The following WWOX variants were observed in gnomAD, a reference collection of about 807,000 sequenced individuals.
WWOX encodes WW domain-containing oxidoreductase.
Under a neutral mutation model 46.2 loss-of-function variants are expected in WWOX, and 69 were observed. That is an observed-to-expected ratio of 1.49 (90% CI 1.23 to 1.82). The LOEUF (loss-of-function observed/expected upper bound fraction) is 1.82. Among genes scored for constraint, WWOX ranks in the 40% most tolerant of loss-of-function variants. The probability of loss-of-function intolerance (pLI) is 0.00; values close to 1 mark genes in which losing one functional copy is unlikely to be tolerated. For missense variants in WWOX, 919 were observed against 542.6 expected (o/e 1.69, Z -6.89); for synonymous variants, 359 against 202.6 (o/e 1.77, Z -6.56).
chr16:78,357,093 A>C (rs1301331691), intron 5 of WWOX, among the ~76,000 whole-genome samples: 1 of 152,196 alleles, frequency 6.6e-6, no homozygotes, highest in African/African-American at 2.4e-5. Flanking sequence ...GCCAGGAGAC[A>C]CCAGGCATAG....
At chr16:78,738,608 C>T (rs116785221) in intron 8 of WWOX, among the ~76,000 whole-genome samples, 1 of 152,188 alleles carries the variant, frequency 6.6e-6, no homozygotes, top group African/African-American at 2.4e-5. Flanking sequence ...AGTCCCTGAA[C>T]AGCCATTTAT....
chr16:78,212,308 C>G (rs533592533), intron 5 of WWOX, among the ~76,000 whole-genome samples: 3 of 152,292 alleles, frequency 2.0e-5, no homozygotes, highest in Non-Finnish European at 4.4e-5. Flanking sequence ...TAGATGTAAC[C>G]TCAGAGGAAA....
intron 8 of WWOX, among the ~76,000 whole-genome samples, chr16:79,170,764 C>T (rs1276080446): frequency 6.6e-6 from 1 of 151,810 alleles, no homozygotes; most frequent in Non-Finnish European, 1.5e-5. Context: ...TTAGAAGTTA[C>T]ATTTACAAGG....
intron 8 of WWOX, among the ~76,000 whole-genome samples, chr16:78,509,331 T>G (rs1001148790): frequency 3.9e-5 from 6 of 151,972 alleles, no homozygotes; most frequent in African/African-American, 1.5e-4. Context: ...TCCTAGCTAC[T>G]TAGGTAGCTG....
intron 8 of WWOX, among the ~76,000 whole-genome samples, chr16:78,929,709 A>G (rs1196665892): frequency 6.6e-6 from 1 of 152,262 alleles, no homozygotes; most frequent in South Asian, 2.1e-4. Context: ...TTTCAGGAAG[A>G]GCGTTTAGGA....
intron 8 of WWOX, among the ~76,000 whole-genome samples, chr16:79,102,951 C>T (rs560763010): frequency 1.3e-5 from 2 of 152,236 alleles, no homozygotes; most frequent in East Asian, 3.9e-4. Context: ...TCTTCCTTCT[C>T]TTCCTTTTCT....
At chr16:78,726,597 A>T (rs2048842493) in intron 8 of WWOX, among the ~76,000 whole-genome samples, 1 of 152,170 alleles carries the variant, frequency 6.6e-6, no homozygotes, top group South Asian at 2.1e-4. Flanking sequence ...AAATTAATGG[A>T]GGAAGGGAGT....
chr16:78,606,012 T>C (rs2045748133), intron 8 of WWOX, among the ~76,000 whole-genome samples: 1 of 152,198 alleles, frequency 6.6e-6, no homozygotes, highest in Non-Finnish European at 1.5e-5. Flanking sequence ...CGAATGCCTA[T>C]TGTCAAAATA....
At chr16:78,162,818 T>C (rs1393707327) in intron 4 of WWOX, among the ~76,000 whole-genome samples, 1 of 152,206 alleles carries the variant, frequency 6.6e-6, no homozygotes, top group Non-Finnish European at 1.5e-5. Context: ...TGCTTCACTT[T>C]GGATTTTTTT....
chr16:78,451,763 G>C (rs1314982389), intron 8 of WWOX, among the ~76,000 whole-genome samples: 1 of 152,092 alleles, frequency 6.6e-6, no homozygotes, highest in East Asian at 1.9e-4. Flanking sequence ...GTTTCTGAGG[G>C]TATACAGACA....
intron 8 of WWOX, among the ~76,000 whole-genome samples, chr16:78,755,363 A>C (rs2049616756): frequency 6.6e-6 from 1 of 152,178 alleles, no homozygotes; most frequent in African/African-American, 2.4e-5. Context: ...TGGGTAGCCC[A>C]GGACTCCTGG....
intron 8 of WWOX, among the ~76,000 whole-genome samples, chr16:78,512,090 A>G (rs891929475): frequency 3.3e-5 from 5 of 152,258 alleles, no homozygotes; most frequent in East Asian, 1.9e-4. Flanking sequence ...AAACTTAGCA[A>G]TGCAACTTGC....
chr16:79,185,300 T>C (rs1335690178), intron 8 of WWOX, among the ~76,000 whole-genome samples: 49 of 152,154 alleles, frequency 3.2e-4, no homozygotes, highest in Admixed American at 3.1e-3. Flanking sequence ...GCAGTCTCAA[T>C]AAAAAACAAA....
chr16:78,585,011 G>A (rs2045160146), intron 8 of WWOX, among the ~76,000 whole-genome samples: 1 of 152,162 alleles, frequency 6.6e-6, no homozygotes, highest in Non-Finnish European at 1.5e-5. Flanking sequence ...CGAGATGACC[G>A]CTTGACCTAA....
At chr16:78,735,744 C>CT (rs2049076331) in intron 8 of WWOX, among the ~76,000 whole-genome samples, 1 of 152,208 alleles carries the variant, frequency 6.6e-6, no homozygotes, top group Non-Finnish European at 1.5e-5. Context: ...CCAATGGACT[C>CT]TAACTTTAGA....
chr16:78,666,288 C>A (rs2047331649), intron 8 of WWOX, among the ~76,000 whole-genome samples: 1 of 151,954 alleles, frequency 6.6e-6, no homozygotes, highest in South Asian at 2.1e-4. Context: ...GACACTGTCT[C>A]TTTAAAAATA....
At chr16:78,825,691 C>A in intron 8 of WWOX, 1 of 544,590 alleles carries the variant, frequency 1.8e-6, no homozygotes, top group South Asian at 1.7e-5. Context: ...GCTGTGGTTT[C>A]TGGGAGACTC....
At chr16:78,799,027 C>T (rs992713652) in intron 8 of WWOX, among the ~76,000 whole-genome samples, 1 of 152,166 alleles carries the variant, frequency 6.6e-6, no homozygotes, top group Admixed American at 6.5e-5. Context: ...CGGTGGGATG[C>T]ATTTCATTTA....
chr16:79,197,198 C>T (rs898743896), intron 8 of WWOX, among the ~76,000 whole-genome samples: 2 of 152,150 alleles, frequency 1.3e-5, no homozygotes, highest in Non-Finnish European at 2.9e-5. Flanking sequence ...TGGGTTTATA[C>T]ATTCCCACAG....
Sources: allele counts gnomAD v4.1 joint callset (sites outside exome capture counted in the v4.1 genomes callset), GRCh38; gene constraint gnomAD v4.1.1; transcripts MANE v1.5; gene names NCBI Gene and HGNC (gene_info 2026-07-23, HGNC 2026-07-21).